The following PTPRD variants were observed in gnomAD, a reference collection of about 807,000 sequenced individuals.
PTPRD encodes receptor-type tyrosine-protein phosphatase delta.
A neutral mutation model predicts 214.5 loss-of-function variants in PTPRD; 34 were observed. That is an observed-to-expected ratio of 0.16 (90% CI 0.12 to 0.21). The LOEUF is 0.21. PTPRD is among the 10% of genes least tolerant of loss of function. PTPRD has a pLI of 1.00. For missense variants in PTPRD, 2,545 were observed against 2,398.7 expected, an observed-to-expected ratio of 1.06 and a Z score of -1.27; for synonymous variants, 1,128 against 845.7, an observed-to-expected ratio of 1.33 and a Z score of -5.79.
intron 37 of PTPRD, among the ~76,000 whole-genome samples, chr9:8,382,850 C>T (rs1026724618): frequency 1.3e-5 from 2 of 152,230 alleles, no homozygotes; most frequent in African/African-American, 4.8e-5. Flanking sequence ...AGATAGGCAG[C>T]ACTTTAGGCT....
intron 9 of PTPRD, among the ~76,000 whole-genome samples, chr9:9,215,268 C>T (rs761898551): frequency 1.3e-5 from 2 of 152,064 alleles, no homozygotes; most frequent in Admixed American, 6.6e-5. Context: ...TAGTTTAACC[C>T]AGGTTATGCA....
intron 11 of PTPRD, among the ~76,000 whole-genome samples, chr9:8,904,404 G>C (rs1414570127): frequency 6.6e-6 from 1 of 152,148 alleles, no homozygotes; most frequent in Admixed American, 6.6e-5. Context: ...AGATGCAGTG[G>C]CTCATGCCTT....
intron 4 of PTPRD, among the ~76,000 whole-genome samples, chr9:10,026,823 C>A (rs192957644): frequency 6.6e-6 from 1 of 150,732 alleles, no homozygotes; most frequent in Non-Finnish European, 1.5e-5. Context: ...AAGGAAGTTG[C>A]GGTCTCACAA....
At chr9:8,462,356 C>T (rs191218578) in intron 32 of PTPRD, among the ~76,000 whole-genome samples, 43 of 152,082 alleles carry the variant, frequency 2.8e-4, no homozygotes, top group African/African-American at 9.6e-4. Context: ...TCTTTAGGCC[C>T]TTACTTATGT....
At chr9:8,965,153 A>C (rs541589816) in intron 11 of PTPRD, among the ~76,000 whole-genome samples, 12 of 152,128 alleles carry the variant, frequency 7.9e-5, no homozygotes, top group African/African-American at 2.6e-4. Context: ...CGAGGCAGGC[A>C]GATTACCTGA....
At chr9:9,717,065 A>T (rs545743936) in intron 7 of PTPRD, among the ~76,000 whole-genome samples, 1 of 152,130 alleles carries the variant, frequency 6.6e-6, no homozygotes. Flanking sequence ...AGCTTTCTCC[A>T]TATGGCTAGC....
At chr9:10,238,668 C>T (rs1423957482) in intron 3 of PTPRD, among the ~76,000 whole-genome samples, 5 of 151,820 alleles carry the variant, frequency 3.3e-5, no homozygotes, top group Non-Finnish European at 5.9e-5. Context: ...GATTAATATG[C>T]AGATATGAAA....
At chr9:10,391,546 T>C (rs555275561) in intron 2 of PTPRD, among the ~76,000 whole-genome samples, 2 of 151,922 alleles carry the variant, frequency 1.3e-5, no homozygotes, top group South Asian at 4.1e-4. Flanking sequence ...CAGATATGAA[T>C]GCCTGTATAG....
At chr9:10,450,288 C>CA (rs201340837) in intron 2 of PTPRD, among the ~76,000 whole-genome samples, 2 of 151,192 alleles carry the variant, frequency 1.3e-5, no homozygotes, top group Non-Finnish European at 2.9e-5. Context: ...AAATAAAAAA[C>CA]AAAAAAAGAT....
chr9:8,726,960 C>T lies in PTPRD; in HGVS notation c.64+6820G>A, dbSNP rs1458718069. On this transcript the variant is annotated intron_variant, in intron 12 of 45. Coordinates refer to ENST00000381196, the MANE Select transcript of PTPRD (RefSeq NM_002839.4). ...CACTACTCCAGCCTGGGCAGCAGAG[C>T]CAGACCCTGTCTCAAAAAAGAAAGG... Among the ~76,000 whole-genome samples the T allele has an allele frequency of 2.6e-5, 4 of 151,282 alleles. No individual in the cohort carries two copies. In the South Asian group the frequency reaches 6.3e-4, roughly 24 times the overall value.
At chr9:9,728,085 T>G (rs953637040) in intron 7 of PTPRD, among the ~76,000 whole-genome samples, 1 of 151,930 alleles carries the variant, frequency 6.6e-6, no homozygotes, top group Non-Finnish European at 1.5e-5. Flanking sequence ...TTATAAGGGG[T>G]TTCCTCTTTT....
intron 11 of PTPRD, among the ~76,000 whole-genome samples, chr9:8,883,308 A>G (rs1186389469): frequency 6.6e-6 from 1 of 152,230 alleles, no homozygotes; most frequent in African/African-American, 2.4e-5. Context: ...GAATATTTTC[A>G]ACTCCTAGAT....
chr9:10,437,943 TAC>T (rs1276791778), intron 2 of PTPRD, among the ~76,000 whole-genome samples: 1 of 147,626 alleles, frequency 6.8e-6, no homozygotes. Flanking sequence ...AAAATGGACA[TAC>T]ACACAAAAAT....
intron 3 of PTPRD, among the ~76,000 whole-genome samples, chr9:10,059,388 A>G (rs879705371): frequency 6.6e-6 from 1 of 152,082 alleles, no homozygotes; most frequent in Admixed American, 6.6e-5. Flanking sequence ...CACAGTCACA[A>G]TTGCAGCATC....
chr9:9,618,830 G>A (rs1042216267), intron 7 of PTPRD, among the ~76,000 whole-genome samples: 2 of 152,016 alleles, frequency 1.3e-5, no homozygotes, highest in African/African-American at 4.8e-5. Flanking sequence ...GATCACCCAA[G>A]GATAATGTAT....
chr9:10,131,575 C>G (rs1352495021), intron 3 of PTPRD, among the ~76,000 whole-genome samples: 1 of 152,172 alleles, frequency 6.6e-6, no homozygotes, highest in Non-Finnish European at 1.5e-5. Context: ...CTTACAAATA[C>G]TTAGAGTGCC....
rs117804363 is a variant in PTPRD at position 9,666,598 on chromosome 9, T to C, written c.-287+67935A>G. On this transcript the variant is annotated intron_variant, in intron 7 of 45. Coordinates refer to ENST00000381196, the MANE Select transcript of PTPRD (RefSeq NM_002839.4). ...GCATGTGTCTTTGAAGTCATTGACC[T>C]CATATTTAATAAGTTGGCAAATTGT... Among the ~76,000 whole-genome samples the C allele has an allele frequency of 8.1e-3, 1,237 of 152,120 alleles. 4 individuals carry two copies. Among genetic ancestry groups the C allele is most frequent in the Non-Finnish European group, 0.014 (927 of 67,920 alleles).
chr9:9,064,348 G>C (rs927060598), intron 10 of PTPRD, among the ~76,000 whole-genome samples: 3 of 152,070 alleles, frequency 2.0e-5, no homozygotes, highest in Non-Finnish European at 4.4e-5. Context: ...TTTGTATATA[G>C]GTCATCAGGA....
chr9:9,901,668 T>G (rs1167798257), intron 5 of PTPRD, among the ~76,000 whole-genome samples: 1 of 152,164 alleles, frequency 6.6e-6, no homozygotes, highest in Non-Finnish European at 1.5e-5. Context: ...ATTATATTAG[T>G]TAGTTCTCAT....
Sources: gnomAD v4.1 joint callset for allele counts (sites outside exome capture counted in the v4.1 genomes callset) on GRCh38, gnomAD v4.1.1 for gene constraint, MANE v1.5 for transcripts, NCBI Gene and HGNC (gene_info 2026-07-23, HGNC 2026-07-21) for gene names.